ADGRL3: variants seen among roughly 807,000 people sequenced by gnomAD.
The protein encoded by ADGRL3 is adhesion G protein-coupled receptor L3.
In ADGRL3, 62 loss-of-function variants were observed where a neutral mutation model predicts 153.5. The ratio of observed to expected loss-of-function variants is 0.40; its 90% CI spans 0.33 to 0.50. The LOEUF is 0.50. ADGRL3 is among the 20% of genes least tolerant of loss of function. The pLI, the probability that ADGRL3 is intolerant of heterozygous loss-of-function variation, is 0.47. For missense variants in ADGRL3, 1,641 were observed against 1,859.4 expected (o/e 0.88, Z 2.16); for synonymous variants, 710 against 672.5 (o/e 1.06, Z -0.86).
rs1011596158 is a variant in ADGRL3, at chr4:61,200,937, C to T, written c.-1068C>T. ...GCAGCCCTCGGCGGCCGGGCGCCCG[C>T]TCTGTCTGCGCGCCCCCTCCGTGCA... On this transcript the variant is annotated 5_prime_UTR_variant, in exon 1 of 27. Transcript: ENST00000683033. 3.3e-5 allele frequency among the ~76,000 whole-genome samples: 5 copies of T among 152,070 alleles called. No homozygotes were observed. Among genetic ancestry groups the T allele is most frequent in the African/African-American group, 4.8e-5 (2 of 41,436 alleles).
intron 1 of ADGRL3, among the ~76,000 whole-genome samples, chr4:61,239,816 G>T (rs1420802773): frequency 6.6e-6 from 1 of 152,098 alleles, no homozygotes; most frequent in African/African-American, 2.4e-5. Context: ...ATATGGCATT[G>T]AAATGAGTTA....
chr4:61,475,830 C>T (rs956970781), intron 2 of ADGRL3, among the ~76,000 whole-genome samples: 2 of 152,138 alleles, frequency 1.3e-5, no homozygotes, highest in African/African-American at 2.4e-5. Context: ...TAGACGTTCT[C>T]TTATTCACTG....
At chr4:61,523,840 G>T (rs1316223994) in intron 4 of ADGRL3, among the ~76,000 whole-genome samples, 4 of 151,906 alleles carry the variant, frequency 2.6e-5, no homozygotes, top group African/African-American at 9.7e-5. Context: ...TCTTTAAAAA[G>T]CATGTGAGTA....
At chr4:61,542,244 G>T (rs754327832) in intron 4 of ADGRL3, among the ~76,000 whole-genome samples, 105 of 152,098 alleles carry the variant, frequency 6.9e-4, no homozygotes, top group Admixed American at 4.3e-3. Flanking sequence ...TAGTTAATGG[G>T]CTGAGACCAA....
At chr4:61,782,260 C>T (rs902798197) in intron 8 of ADGRL3, among the ~76,000 whole-genome samples, 6 of 152,090 alleles carry the variant, frequency 3.9e-5, no homozygotes, top group African/African-American at 1.4e-4. Flanking sequence ...GAATAATATT[C>T]ACTGATTCAG....
chr4:61,392,293 T>G (rs951872757), intron 2 of ADGRL3, among the ~76,000 whole-genome samples: 1 of 152,164 alleles, frequency 6.6e-6, no homozygotes, highest in African/African-American at 2.4e-5. Context: ...TTAACTGTTT[T>G]CGGTACTGGA....
intron 1 of ADGRL3, among the ~76,000 whole-genome samples, chr4:61,345,966 A>G (rs539620310): frequency 1.3e-5 from 2 of 152,286 alleles, no homozygotes; most frequent in Non-Finnish European, 2.9e-5. Flanking sequence ...TCATGTTGAT[A>G]AGATTGAAGG....
chr4:61,925,961 C>T (rs1046614062), intron 13 of ADGRL3, among the ~76,000 whole-genome samples: 1 of 152,130 alleles, frequency 6.6e-6, no homozygotes, highest in Non-Finnish European at 1.5e-5. Context: ...GTCATGCAAA[C>T]ATCATAGGGT....
chr4:61,407,954 AG>A (rs1237210829), intron 2 of ADGRL3, among the ~76,000 whole-genome samples: 2 of 152,114 alleles, frequency 1.3e-5, no homozygotes, highest in African/African-American at 4.8e-5. Context: ...TATCGTTATG[AG>A]GAATGCATCT....
chr4:61,357,735 C>G (rs1429981685), intron 1 of ADGRL3, among the ~76,000 whole-genome samples: 1 of 152,038 alleles, frequency 6.6e-6, no homozygotes, highest in East Asian at 1.9e-4. Flanking sequence ...TGAAAGTTAT[C>G]TTCAACCAAT....
At chr4:61,370,637 G>T (rs1026631431) in intron 1 of ADGRL3, among the ~76,000 whole-genome samples, 6 of 149,614 alleles carry the variant, frequency 4.0e-5, no homozygotes, top group South Asian at 4.3e-4. Context: ...GCTGAGGAGA[G>T]CTTTACTTCC....
intron 1 of ADGRL3, among the ~76,000 whole-genome samples, chr4:61,234,338 C>A (rs768836693): frequency 5.3e-5 from 8 of 152,194 alleles, no homozygotes; most frequent in Non-Finnish European, 1.2e-4. Context: ...CATCCGGTCT[C>A]GTGAGACTTA....
intron 12 of ADGRL3, 148 bp from the exon 13 acceptor site, chr4:61,912,571 G>A: frequency 1.6e-6 from 1 of 644,296 alleles, no homozygotes; most frequent in South Asian, 2.1e-5. Flanking sequence ...ACATTTTGCT[G>A]CTGCTTAGCT....
intron 4 of ADGRL3, among the ~76,000 whole-genome samples, chr4:61,585,122 C>T (rs2098941140): frequency 6.6e-6 from 1 of 151,694 alleles, no homozygotes; most frequent in Non-Finnish European, 1.5e-5. Flanking sequence ...GTGCTAGATT[C>T]TTCTATGGGT....
intron 24 of ADGRL3, among the ~76,000 whole-genome samples, chr4:62,039,064 T>A (rs1236839937): frequency 2.0e-5 from 3 of 152,204 alleles, no homozygotes; most frequent in Non-Finnish European, 4.4e-5. Context: ...ATATATCTAA[T>A]TATTGTTTCA....
intron 2 of ADGRL3, among the ~76,000 whole-genome samples, chr4:61,438,303 T>C (rs2097478718): frequency 6.6e-6 from 1 of 151,948 alleles, no homozygotes; most frequent in African/African-American, 2.4e-5. Context: ...CTCTATCACT[T>C]TCACATTAAC....
At chr4:61,723,967 C>G (rs974818901) in intron 6 of ADGRL3, among the ~76,000 whole-genome samples, 1 of 152,154 alleles carries the variant, frequency 6.6e-6, no homozygotes, top group Non-Finnish European at 1.5e-5. Context: ...TGACTCTTCA[C>G]AGAGTACACA....
At chr4:61,910,955 A>T (rs2098719229) in intron 12 of ADGRL3, among the ~76,000 whole-genome samples, 1 of 151,516 alleles carries the variant, frequency 6.6e-6, no homozygotes, top group South Asian at 2.1e-4. Context: ...ATTAGATATA[A>T]ATTATTATTA....
chr4:61,418,048 C>A (rs1041652612), intron 2 of ADGRL3, among the ~76,000 whole-genome samples: 33 of 152,254 alleles, frequency 2.2e-4, no homozygotes, highest in Non-Finnish European at 2.9e-4. Flanking sequence ...ACTGTCCTTA[C>A]ATGTGACCTT....
Sources: gnomAD v4.1 joint callset for allele counts (sites outside exome capture counted in the v4.1 genomes callset) on GRCh38, gnomAD v4.1.1 for gene constraint, MANE v1.5 for transcripts, NCBI Gene and HGNC (gene_info 2026-07-23, HGNC 2026-07-21) for gene names.